TUBB: variants seen among roughly 807,000 people sequenced by gnomAD.
The protein encoded by TUBB is tubulin beta class I, also known as tubulin beta chain.
In TUBB, 2 loss-of-function variants were observed where a neutral mutation model predicts 35.1. The ratio of observed to expected loss-of-function variants is 0.06; its 90% confidence interval spans 0.02 to 0.18. The LOEUF (loss-of-function observed/expected upper bound fraction) is 0.18. Ranked by LOEUF, TUBB falls within the 10% of genes least tolerant of loss-of-function variation. The pLI, the probability that TUBB is intolerant of heterozygous loss-of-function variation, is 1.00. For synonymous variants in TUBB, 205 were observed against 223.8 expected (o/e 0.92, Z 0.75); for missense variants, 50 against 599.4 (o/e 0.08, Z 9.57).
Position 30,724,269 on chromosome 6 carries a change from A to G in TUBB, c.1207A>G (p.Met403Val). 1 of 1,613,692 alleles carries G rather than the reference A, an allele frequency of 6.2e-7. No individual in the cohort carries two copies. Among genetic ancestry groups the G allele is most frequent in the Non-Finnish European group, 8.5e-7 (1 of 1,179,872 alleles). The change falls in exon 4 of 4, where the codon ATG becomes GTG. Residue 403 changes from methionine (M) to valine (V), a missense_variant. Coordinates refer to ENST00000327892, the MANE Select transcript of TUBB (RefSeq NM_178014.4). The surrounding 1 kb of genome is among the most constrained non-coding windows in gnomAD (Gnocchi z 4.4). The stretch of plus-strand genomic sequence containing the variant: ...CCTCCACTGGTACACAGGCGAGGGC[A>G]TGGACGAGATGGAGTTCACCGAGGC... ...AFLHWYTGEG[M>V]DEMEFTEAES...
intron 1 of TUBB, 77 bp downstream of exon 1, chr6:30,720,640 A>AT (rs1236381457): frequency 1.1e-5 from 15 of 1,314,448 alleles, no homozygotes; most frequent in Non-Finnish European, 2.2e-6. Context: ...GTTGTGGGGC[A>AT]TTTGCACCCG....
At chr6:30,723,120 T>C (rs1184044014) in intron 3 of TUBB, 92 bp downstream of exon 3, 2 of 1,108,556 alleles carry the variant, frequency 1.8e-6, no homozygotes, top group Non-Finnish European at 2.7e-6. Context: ...AGATGATTGT[T>C]GTATTGGAGT....
chr6:30,723,298 C>A, intron 3 of TUBB, 42 bp from the exon 4 acceptor site: 1 of 1,469,462 alleles, frequency 6.8e-7, no homozygotes, highest in Non-Finnish European at 9.3e-7. Flanking sequence ...CATGTATCTT[C>A]CATACCCTGT....
chr6:30,720,987 G>C (rs985070698), intron 1 of TUBB, among the ~76,000 whole-genome samples: 1 of 152,256 alleles, frequency 6.6e-6, no homozygotes, highest in African/African-American at 2.4e-5. Context: ...TGAGGCCATC[G>C]GGCGGCTGCA....
In TUBB at chr6:30,723,890, T is replaced by C; in HGVS notation, c.828T>C (p.Arg276=). 6.2e-7 allele frequency: 1 copy of C among 1,614,194 alleles called. No individual in the cohort carries two copies. Among genetic ancestry groups the C allele is most frequent in the Non-Finnish European group, 8.5e-7 (1 of 1,180,024 alleles). Residue 276 remains arginine, a synonymous_variant, in exon 4 of 4, where the codon CGT becomes CGC. Coordinates refer to ENST00000327892, the MANE Select transcript of TUBB (RefSeq NM_178014.4). ...CTGGCTTTGCCCCTCTCACCAGCCG[T>C]GGAAGCCAGCAGTATCGAGCTCTCA... ...FMPGFAPLTS[R]GSQQYRALTV... is the part of the protein sequence containing the mutation.
At chr6:30,722,767 T>C in intron 2 of TUBB, 122 bp downstream of exon 2, 1 of 1,140,274 alleles carries the variant, frequency 8.8e-7, no homozygotes, top group East Asian at 2.5e-5. Context: ...GTCCCTTTCG[T>C]GAACCACCGT....
chr6:30,725,061 G>C lies in TUBB; in HGVS notation c.*664G>C, dbSNP rs569343842. 6.6e-6 allele frequency: 1 copy of C among 152,312 alleles called. No homozygotes were observed. Among genetic ancestry groups the C allele is most frequent in the African/African-American group, 2.4e-5 (1 of 41,480 alleles). 9.4% of individuals were successfully genotyped at this position (152,312 alleles called of 1,614,324 possible). The stretch of plus-strand genomic sequence containing the variant: ...TCACTCAGCTCCTTTCCCCTGATCA[G>C]AGAAAGGGATCAAGGGGGTTGGGAG... On this transcript the variant is annotated 3_prime_UTR_variant, in exon 4 of 4. Transcript: ENST00000327892.
At chr6:30,722,895 G>A (rs1393844925) in intron 2 of TUBB, 23 bp from the exon 3 acceptor site, 6 of 1,590,398 alleles carry the variant, frequency 3.8e-6, no homozygotes, top group Non-Finnish European at 5.2e-6. Flanking sequence ...AGATTTCACA[G>A]CTCTTAACTT....
Position 30,724,319 on chromosome 6 carries a change from C to T in TUBB, c.1257C>T (p.Val419=). 1.2e-6 allele frequency: 2 copies of T among 1,613,136 alleles called. No individual in the cohort carries two copies. The highest frequency in any genetic ancestry group is 1.7e-5 in the Admixed American group (1 of 60,016). Residue 419 remains valine, a synonymous_variant, in exon 4 of 4, where the codon GTC becomes GTT. Coordinates refer to ENST00000327892, the MANE Select transcript of TUBB (RefSeq NM_178014.4). This position sits in a 1 kb window ranked among gnomAD's most constrained non-coding sequence, Gnocchi z 4.4. ...CTGAGAGCAACATGAACGACCTCGT[C>T]TCTGAGTATCAGCAGTACCAGGATG... is the stretch of plus-strand genomic sequence containing the variant. ...TEAESNMNDL[V]SEYQQYQDAT... is the part of the protein sequence containing the mutation.
intron 1 of TUBB, 31 bp from the exon 2 acceptor site, chr6:30,722,506 C>T (rs771421656): frequency 5.4e-6 from 8 of 1,480,042 alleles, no homozygotes; most frequent in Non-Finnish European, 7.5e-6. Flanking sequence ...GGGACTTGAC[C>T]TGTTGTGGTC....
At position 30,723,740 on chromosome 6, in the gene TUBB, C is replaced by T. The variant is rs1223220688; in HGVS notation, c.678C>T (p.Asn226=). 1 of 1,614,218 alleles carries T rather than the reference C, an allele frequency of 6.2e-7. No homozygotes were observed. Among genetic ancestry groups the T allele is most frequent in the Admixed American group, 1.7e-5 (1 of 60,020 alleles). The change falls in exon 4 of 4, where the codon AAC becomes AAT. Residue 226 remains asparagine, a synonymous_variant. Transcript: ENST00000327892. ...KLTTPTYGDL[N]HLVSATMSGV... Reference sequence around the variant, plus strand: ...CCACACCAACCTACGGGGATCTGAACCACCTTGTCTCAGCCACCATGAGTG... The same window carrying T: ...CCACACCAACCTACGGGGATCTGAATCACCTTGTCTCAGCCACCATGAGTG...
At chr6:30,722,369 G>C (rs1776339050) in intron 1 of TUBB, 168 bp from the exon 2 acceptor site, 1 of 596,694 alleles carries the variant, frequency 1.7e-6, no homozygotes, top group Non-Finnish European at 3.0e-6. Flanking sequence ...CTTGAACCCG[G>C]GAAGCAGAGG....
chr6:30,721,656 G>T (rs764897665), intron 1 of TUBB: 231 of 985,338 alleles, frequency 2.3e-4, no homozygotes, highest in Non-Finnish European at 2.6e-4. Flanking sequence ...AGCCTTTTGT[G>T]CGCCGCGCGG....
At position 30,723,512 on chromosome 6, in the gene TUBB, C is replaced by T; in HGVS notation, c.450C>T (p.Leu150=). Residue 150 remains leucine (L), a synonymous_variant, in exon 4 of 4, where the codon CTC becomes CTT. Coordinates refer to ENST00000327892, the MANE Select transcript of TUBB (RefSeq NM_178014.4). ...GCACAGGCTCTGGAATGGGCACTCTCCTTATCAGCAAGATCCGAGAAGAAT... is the reference window on the plus strand; with the variant it reads ...GCACAGGCTCTGGAATGGGCACTCTTCTTATCAGCAAGATCCGAGAAGAAT... The part of the protein sequence containing the change: ...GGGTGSGMGT[L]LISKIREEYP... 2 of 1,614,198 alleles carry T rather than the reference C, an allele frequency of 1.2e-6. No homozygotes were observed. The highest frequency in any genetic ancestry group is 1.7e-6 in the Non-Finnish European group (2 of 1,180,034).
intron 3 of TUBB, 142 bp from the exon 4 acceptor site, chr6:30,723,198 T>A: frequency 2.2e-6 from 2 of 920,354 alleles, no homozygotes; most frequent in Non-Finnish European, 3.3e-6. Flanking sequence ...GCTGGTAAAT[T>A]ATGGGGCAGT....
chr6:30,720,445 A>C lies in TUBB; in HGVS notation c.-62A>C. The C allele has an allele frequency of 6.4e-7, 1 of 1,571,352 alleles. No individual in the cohort carries two copies. The highest frequency in any genetic ancestry group is 8.8e-7 in the Non-Finnish European group (1 of 1,141,258). On this transcript the variant is annotated 5_prime_UTR_variant, in exon 1 of 4. Coordinates refer to ENST00000327892, the MANE Select transcript of TUBB (RefSeq NM_178014.4). ...CCAGCCTGCGACCTGCGGAGAAAAA[A>C]AATTACTTATTTTCTTGCCCCATAC... is the stretch of plus-strand genomic sequence containing the variant.
intron 1 of TUBB, chr6:30,721,956 C>T (rs982582524): frequency 2.2e-6 from 2 of 917,612 alleles, no homozygotes; most frequent in South Asian, 4.9e-5. Flanking sequence ...GGCAACAAAG[C>T]GAGACCCTCC....
Position 30,723,482 on chromosome 6 carries a change from C to A in TUBB, c.420C>A (p.Gly140=). ...LQGFQLTHSL[G]GGTGSGMGTL... is the part of the protein sequence containing the mutation. ...GCTTCCAGCTGACCCACTCACTGGG[C>A]GGGGGCACAGGCTCTGGAATGGGCA... is the stretch of plus-strand genomic sequence containing the variant. The change falls in exon 4 of 4, where the codon GGC becomes GGA. Residue 140 remains glycine (G), a synonymous_variant. Transcript: ENST00000327892. The A allele has an allele frequency of 6.2e-7, 1 of 1,614,154 alleles. No homozygotes were observed. Among genetic ancestry groups the A allele is most frequent in the Middle Eastern group, 1.6e-4 (1 of 6,062 alleles).
At position 30,720,459 on chromosome 6, in the gene TUBB, C is replaced by A; in HGVS notation, c.-48C>A. 1 of 1,588,306 alleles carries A rather than the reference C, an allele frequency of 6.3e-7. No individual in the cohort carries two copies. Among genetic ancestry groups the A allele is most frequent in the Non-Finnish European group, 8.6e-7 (1 of 1,156,534 alleles). ...GCGGAGAAAAAAAATTACTTATTTT[C>A]TTGCCCCATACATACCTTGAGGCGA... On this transcript the variant is annotated 5_prime_UTR_variant, in exon 1 of 4. Transcript: ENST00000327892.
Sources: allele counts gnomAD v4.1 joint callset (sites outside exome capture counted in the v4.1 genomes callset), GRCh38; gene constraint gnomAD v4.1.1; non-coding constraint Gnocchi (gnomAD v3.1); transcripts MANE v1.5; gene names NCBI Gene and HGNC (gene_info 2026-07-23, HGNC 2026-07-21).